Variants in VAPB observed in about 807,000 individuals in gnomAD.
VAPB encodes the protein vesicle-associated membrane protein-associated protein B/C.
In VAPB, 7 loss-of-function variants were observed where a neutral mutation model predicts 25.6. The ratio of observed to expected loss-of-function variants is 0.27; its 90% CI spans 0.16 to 0.51. VAPB has a LOEUF of 0.51. Ranked by LOEUF, VAPB falls within the 20% of genes least tolerant of loss-of-function variation. The pLI is 0.97. For synonymous variants in VAPB, 112 were observed against 109.2 expected, an observed-to-expected ratio of 1.03 and a Z score of -0.16; for missense variants, 266 against 301.3, an observed-to-expected ratio of 0.88 and a Z score of 0.87.
At chr20:58,410,764 C>T (rs1988358260) in intron 1 of VAPB, among the ~76,000 whole-genome samples, 1 of 152,142 alleles carries the variant, frequency 6.6e-6, no homozygotes, top group African/African-American at 2.4e-5. Context: ...TTTGCCTTTT[C>T]CAGAATGTCA....
chr20:58,421,658 G>C (rs1267640521), intron 2 of VAPB, among the ~76,000 whole-genome samples: 1 of 152,060 alleles, frequency 6.6e-6, no homozygotes, highest in Non-Finnish European at 1.5e-5. Flanking sequence ...ATTCGGGAAG[G>C]CTGTAAATCA....
intron 1 of VAPB, among the ~76,000 whole-genome samples, chr20:58,413,817 C>G (rs371145690): frequency 7.2e-6 from 1 of 138,792 alleles, no homozygotes; most frequent in African/African-American, 2.7e-5. Flanking sequence ...GCTGGCCGGG[C>G]GGGGGGCTGA....
At chr20:58,397,999 C>T (rs1292817107) in intron 1 of VAPB, among the ~76,000 whole-genome samples, 2 of 152,254 alleles carry the variant, frequency 1.3e-5, no homozygotes, top group South Asian at 2.1e-4. Context: ...TACAGATGTT[C>T]CTCACCTTAC....
intron 1 of VAPB, among the ~76,000 whole-genome samples, chr20:58,414,217 C>A (rs560608634): frequency 7.5e-6 from 1 of 133,230 alleles, no homozygotes; most frequent in Non-Finnish European, 1.6e-5. Flanking sequence ...GCTGGCCGGG[C>A]GGGGGGCTGA....
At chr20:58,392,165 A>G (rs1260791942) in intron 1 of VAPB, among the ~76,000 whole-genome samples, 1 of 152,220 alleles carries the variant, frequency 6.6e-6, no homozygotes, top group Non-Finnish European at 1.5e-5. Context: ...TTATTCGGTC[A>G]ATGGGGATGA....
At position 58,447,199 on chromosome 20, in the gene VAPB, G is replaced by GA; in HGVS notation, c.*2967dup. ...GAGATGGAAGCGGTGACAGAATCCT[G>GA]AAAGTTTTTATTGATTGAAGTTTTA... On this transcript the variant is annotated 3_prime_UTR_variant, in exon 6 of 6. Coordinates refer to ENST00000475243, the MANE Select transcript of VAPB (RefSeq NM_004738.5). 1 of 454,038 alleles carries GA rather than the reference G, an allele frequency of 2.2e-6. No homozygotes were observed. The highest frequency in any genetic ancestry group is 4.4e-6 in the Non-Finnish European group (1 of 226,792). The allele number at this position is 454,038 out of a possible 1,614,324, so 28.1% of individuals were successfully genotyped here.
chr20:58,393,468 C>T (rs1987861817), intron 1 of VAPB, among the ~76,000 whole-genome samples: 1 of 152,186 alleles, frequency 6.6e-6, no homozygotes, highest in Non-Finnish European at 1.5e-5. Context: ...ACTCTGAGAT[C>T]CCACTTGTTG....
At chr20:58,418,804 C>A (rs573071358) in intron 2 of VAPB, among the ~76,000 whole-genome samples, 21 of 152,288 alleles carry the variant, frequency 1.4e-4, no homozygotes, top group African/African-American at 4.8e-4. Flanking sequence ...TAAGCTCATA[C>A]CATTTCCAGT....
At chr20:58,393,458 A>G (rs1165714401) in intron 1 of VAPB, among the ~76,000 whole-genome samples, 1 of 151,704 alleles carries the variant, frequency 6.6e-6, no homozygotes, top group Non-Finnish European at 1.5e-5. Flanking sequence ...CCATCTCCTC[A>G]CTCTGAGATC....
Position 58,418,292 on chromosome 20 carries a change from C to G in VAPB, c.140C>G (p.Thr47Arg). 1 of 1,614,192 alleles carries G rather than the reference C, an allele frequency of 6.2e-7. No individual in the cohort carries two copies. The highest frequency in any genetic ancestry group is 8.5e-7 in the Non-Finnish European group (1 of 1,180,034). ...AATGTGTGTTTTAAGGTGAAGACTA[C>G]AGCACCACGTAGGTACTGTGTGAGG... ...DRNVCFKVKT[T>R]APRRYCVRPN... is the part of the protein sequence containing the mutation. The change falls in exon 2 of 6, where the codon ACA (threonine) becomes AGA (arginine). Residue 47 changes from threonine (T) to arginine (R), a missense_variant. Physicochemically the swap from Thr to Arg is moderately conservative, Grantham distance 71. Around this residue, in one of 3 missense-constraint regions of VAPB, gnomAD observed 98 missense variants for 147.1 expected, o/e 0.67. Coordinates refer to ENST00000475243, the MANE Select transcript of VAPB (RefSeq NM_004738.5).
At chr20:58,424,335 C>T (rs912887488) in intron 2 of VAPB, among the ~76,000 whole-genome samples, 2 of 152,016 alleles carry the variant, frequency 1.3e-5, no homozygotes, top group African/African-American at 4.8e-5. Flanking sequence ...GAGGTGGCCA[C>T]GTTGAAAGCG....
Position 58,443,990 on chromosome 20 carries a change from A to G in VAPB, c.574-87A>G. On this transcript the variant is annotated intron_variant, in intron 5 of 5. Transcript: ENST00000475243. ...CATATCATGTCATCCAACACTGGGC[A>G]TAAACAGCCCATCCCGTTAAGCTGT... The G allele has an allele frequency of 2.5e-6, 4 of 1,586,630 alleles. No individual in the cohort carries two copies. In the Admixed American group the frequency reaches 6.7e-5, roughly 27 times the overall value.
intron 1 of VAPB, chr20:58,390,012 A>T (rs1987752738): frequency 6.5e-6 from 1 of 155,038 alleles, no homozygotes; most frequent in South Asian, 2.0e-4. Flanking sequence ...TCATACCCAA[A>T]ATCACTGTTT....
chr20:58,441,466 C>T (rs1369745015), intron 5 of VAPB, among the ~76,000 whole-genome samples: 1 of 152,166 alleles, frequency 6.6e-6, no homozygotes, highest in Non-Finnish European at 1.5e-5. Context: ...AAAGTGAAAC[C>T]CCGTCTCTAA....
chr20:58,417,526 T>G (rs529807669), intron 1 of VAPB, among the ~76,000 whole-genome samples: 2 of 152,370 alleles, frequency 1.3e-5, no homozygotes, highest in South Asian at 4.1e-4. Flanking sequence ...TTCAGGCCAC[T>G]GAGCCTGTTG....
intron 4 of VAPB, 40 bp from the exon 5 acceptor site, chr20:58,440,867 A>G (rs768273548): frequency 7.5e-6 from 12 of 1,600,230 alleles, no homozygotes; most frequent in Non-Finnish European, 1.0e-5. Context: ...CCATTATTAC[A>G]TGGTCGGTGA....
chr20:58,449,032 C>G lies in VAPB; in HGVS notation c.*4797C>G, dbSNP rs1419866099. ...TGAGCTGCTGATGTCTCAGGCCTTT[C>G]CCTGAATTAGCACTGCGGTTCTCCA... On this transcript the variant is annotated 3_prime_UTR_variant, in exon 6 of 6. Coordinates refer to ENST00000475243, the MANE Select transcript of VAPB (RefSeq NM_004738.5). The G allele has an allele frequency of 2.2e-6, 1 of 454,102 alleles. No homozygotes were observed. The highest frequency in any genetic ancestry group is 1.6e-5 in the South Asian group (1 of 64,478). 28.1% of individuals were successfully genotyped at this position (454,102 alleles called of 1,614,324 possible). A position where few individuals can be genotyped will look rare whatever the true frequency, so the allele number is the denominator to read the frequency against.
At position 58,450,630 on chromosome 20, in the gene VAPB, T is replaced by C. The variant is rs1162324677; in HGVS notation, c.*6395T>C. On this transcript the variant is annotated 3_prime_UTR_variant, in exon 6 of 6. Transcript: ENST00000475243. Reference sequence around the variant, plus strand: ...CTGAATAAATGGTTTCAGTAACCCATGCTGTTCTCTCCCTATTCTACGTCT... The same window carrying C: ...CTGAATAAATGGTTTCAGTAACCCACGCTGTTCTCTCCCTATTCTACGTCT... 1 of 454,006 alleles carries C rather than the reference T, an allele frequency of 2.2e-6. No homozygotes were observed. Among genetic ancestry groups the C allele is most frequent in the African/African-American group, 2.0e-5 (1 of 50,000 alleles). The allele number at this position is 454,006 out of a possible 1,614,324, so 28.1% of individuals were successfully genotyped here. A position where few individuals can be genotyped will look rare whatever the true frequency, so the allele number is the denominator to read the frequency against.
At chr20:58,421,573 G>A (rs770053175) in intron 2 of VAPB, among the ~76,000 whole-genome samples, 17 of 152,108 alleles carry the variant, frequency 1.1e-4, no homozygotes, top group Non-Finnish European at 7.3e-5. Context: ...ACCACCCAAA[G>A]TGTCACTACA....
Sources: gnomAD v4.1 joint callset for allele counts (sites outside exome capture counted in the v4.1 genomes callset) on GRCh38, gnomAD v4.1.1 for gene constraint, gnomAD v4.1.1 regional missense constraint, MANE v1.5 for transcripts, NCBI Gene and HGNC (gene_info 2026-07-23, HGNC 2026-07-21) for gene names.